NTN1: variants seen among roughly 807,000 people sequenced by gnomAD.
The protein encoded by NTN1 is netrin 1.
NTN1 carries 11 observed loss-of-function variants against 54.2 expected under a neutral mutation model. The ratio of observed to expected loss-of-function variants is 0.20; its 90% confidence interval spans 0.13 to 0.34. The LOEUF is 0.34. Among genes scored for constraint, NTN1 ranks in the 10% least tolerant of loss-of-function variants. The pLI is 1.00. For missense variants in NTN1, 740 were observed against 893.1 expected (o/e 0.83, Z 2.18); for synonymous variants, 371 against 382.0 (o/e 0.97, Z 0.33).
Position 9,165,630 on chromosome 17 carries a change from A to G in NTN1, c.1207+2629A>G, listed in dbSNP as rs1436367450. On this transcript the variant is annotated intron_variant, in intron 3 of 6. Transcript: ENST00000173229. This position sits in a 1 kb window ranked among gnomAD's most constrained non-coding sequence, Gnocchi z 4.5. ...AAGACACAGGCAAATTCTACTGAAG[A>G]AATGTGGCAGGAAAGGGTGGGACTC... 6.6e-6 allele frequency among the ~76,000 whole-genome samples: 1 copy of G among 152,158 alleles called. No individual in the cohort carries two copies. The highest frequency in any genetic ancestry group is 1.5e-5 in the Non-Finnish European group (1 of 68,024).
At chr17:9,115,754 C>T (rs1217499572) in intron 2 of NTN1, among the ~76,000 whole-genome samples, 1 of 152,182 alleles carries the variant, frequency 6.6e-6, no homozygotes, top group Non-Finnish European at 1.5e-5. Flanking sequence ...TGGGCCGTGG[C>T]GGAGTCTCTG....
At position 9,031,987 on chromosome 17, in the gene NTN1, A is replaced by G. The variant is rs1597463741; in HGVS notation, c.1018+8596A>G. ...CAAACAAAAAAAGAAGATAAAAAAA[A>G]AAAAGAAAAGAAATGTAAAGTGGAT... On this transcript the variant is annotated intron_variant, in intron 2 of 6. Transcript: ENST00000173229. Among the ~76,000 whole-genome samples the G allele has an allele frequency of 2.6e-5, 4 of 152,052 alleles. 1 individual carries two copies. Among genetic ancestry groups the G allele is most frequent in the South Asian group, 4.1e-4 (2 of 4,820 alleles).
chr17:9,225,017 C>T (rs1215375188), intron 6 of NTN1, among the ~76,000 whole-genome samples: 2 of 152,104 alleles, frequency 1.3e-5, no homozygotes, highest in East Asian at 1.9e-4. Flanking sequence ...GTTGGGGGCA[C>T]TTCGGGAGGC....
chr17:9,081,744 CA>C (rs1257503995), intron 2 of NTN1, among the ~76,000 whole-genome samples: 1 of 152,172 alleles, frequency 6.6e-6, no homozygotes, highest in Non-Finnish European at 1.5e-5. Flanking sequence ...GGCTGGGGGT[CA>C]GGGGTGGGAT....
chr17:9,162,573 G>A (rs997795987), intron 2 of NTN1, among the ~76,000 whole-genome samples: 3 of 152,232 alleles, frequency 2.0e-5, no homozygotes. Flanking sequence ...GGTACTGGGG[G>A]TCACGGCTTC....
chr17:9,097,746 C>A (rs115990712), intron 2 of NTN1, among the ~76,000 whole-genome samples: 1 of 152,198 alleles, frequency 6.6e-6, no homozygotes, highest in Non-Finnish European at 1.5e-5. Flanking sequence ...TGCAGTTAAG[C>A]GCTTTTATCA....
chr17:9,025,451 A>G (rs1209391187), intron 2 of NTN1, among the ~76,000 whole-genome samples: 1 of 152,260 alleles, frequency 6.6e-6, no homozygotes, highest in Non-Finnish European at 1.5e-5. Context: ...CTTAATAAGT[A>G]CATAATCTAC....
At chr17:9,220,129 A>G (rs1905298554) in intron 5 of NTN1, among the ~76,000 whole-genome samples, 1 of 152,192 alleles carries the variant, frequency 6.6e-6, no homozygotes, top group Admixed American at 6.5e-5. Context: ...CGCCTAACCA[A>G]GAGTGCAGGG....
intron 2 of NTN1, among the ~76,000 whole-genome samples, chr17:9,025,478 T>C (rs2091867163): frequency 6.6e-6 from 1 of 152,250 alleles, no homozygotes; most frequent in Admixed American, 6.5e-5. Flanking sequence ...AATGATTGGC[T>C]AACAATATTT....
intron 2 of NTN1, among the ~76,000 whole-genome samples, chr17:9,068,584 C>G (rs1461732259): frequency 2.6e-5 from 4 of 151,666 alleles, no homozygotes; most frequent in African/African-American, 9.7e-5. Flanking sequence ...TCTCGGCTCA[C>G]CACAACCTCT....
intron 2 of NTN1, among the ~76,000 whole-genome samples, chr17:9,124,736 CT>C (rs1244864494): frequency 2.6e-5 from 4 of 152,188 alleles, no homozygotes; most frequent in Non-Finnish European, 5.9e-5. Context: ...AGTGCTTGTC[CT>C]TGCCTGGTCA....
intron 2 of NTN1, among the ~76,000 whole-genome samples, chr17:9,080,974 C>T (rs775856969): frequency 6.6e-6 from 1 of 152,118 alleles, no homozygotes; most frequent in Non-Finnish European, 1.5e-5. Flanking sequence ...AATGTGTTTC[C>T]CTGAGCCACT....
intron 2 of NTN1, 96 bp from the exon 3 acceptor site, chr17:9,162,716 AG>A: frequency 8.8e-7 from 1 of 1,139,620 alleles, no homozygotes; most frequent in Non-Finnish European, 1.3e-6. Flanking sequence ...CTAGTGGAGA[AG>A]GGAGGAGTTG....
intron 2 of NTN1, among the ~76,000 whole-genome samples, chr17:9,050,681 A>C (rs958924899): frequency 3.3e-5 from 5 of 151,662 alleles, no homozygotes; most frequent in Admixed American, 1.3e-4. Context: ...AAAAAAAAAA[A>C]AAAAAAAAAA....
the NTN1 span, among the ~76,000 whole-genome samples, chr17:9,009,071 C>A: frequency 5.3e-5 from 8 of 152,082 alleles, no homozygotes; most frequent in African/African-American, 1.9e-4. Context: ...CAAAACAAAA[C>A]AAAAAAAGCT....
Position 9,239,976 on chromosome 17 carries a change from GCAGC to G in NTN1, c.*9_*12del, listed in dbSNP as rs1430075618. The G allele has an allele frequency of 2.4e-5, 28 of 1,185,156 alleles. No individual in the cohort carries two copies. Among genetic ancestry groups the G allele is most frequent in the Non-Finnish European group, 2.9e-5 (27 of 937,602 alleles). 73.4% of individuals were successfully genotyped at this position (1,185,156 alleles called of 1,614,324 possible). A position where few individuals can be genotyped will look rare whatever the true frequency, so the allele number is the denominator to read the frequency against. ...AAGTGCAAGAAGGCCTAGCGCCGAG[GCAGC>G]GGGCGGGCGGGCGGGCGGGCGCCAG... On this transcript the variant is annotated 3_prime_UTR_variant, in exon 7 of 7. Transcript: ENST00000173229. The surrounding 1 kb of genome is among the most constrained non-coding windows in gnomAD (Gnocchi z 5.2).
upstream of NTN1, among the ~76,000 whole-genome samples, chr17:9,018,723 G>A (rs1273121405): frequency 6.6e-6 from 1 of 151,584 alleles, no homozygotes. Context: ...TGCTCCAAAA[G>A]GTACCCCAGT....
At chr17:9,004,492 C>A in the NTN1 span, among the ~76,000 whole-genome samples, 1 of 152,370 alleles carries the variant, frequency 6.6e-6, no homozygotes, top group Admixed American at 6.5e-5. Flanking sequence ...TTGATCCCTT[C>A]TGGATCCGGT....
chr17:9,109,301 GT>G (rs2092181252), intron 2 of NTN1, among the ~76,000 whole-genome samples: 1 of 152,112 alleles, frequency 6.6e-6, no homozygotes, highest in African/African-American at 2.4e-5. Flanking sequence ...AGTATAGTCA[GT>G]TTATCTTTCT....
Sources: allele counts gnomAD v4.1 joint callset (sites outside exome capture counted in the v4.1 genomes callset), GRCh38; gene constraint gnomAD v4.1.1; non-coding constraint Gnocchi (gnomAD v3.1); transcripts MANE v1.5; gene names NCBI Gene and HGNC (gene_info 2026-07-23, HGNC 2026-07-21).